MTREX: variants seen among roughly 807,000 people sequenced by gnomAD.
The protein encoded by MTREX is exosome RNA helicase MTR4.
MTREX carries 76 observed loss-of-function variants against 135.4 expected under a neutral mutation model. The observed-to-expected ratio is 0.56, with a 90% confidence interval of 0.47 to 0.68. The LOEUF (loss-of-function observed/expected upper bound fraction) is 0.68, where lower values mean the gene tolerates loss of function less well. Among genes scored for constraint, MTREX ranks in the 30% least tolerant of loss-of-function variants. The probability of loss-of-function intolerance (pLI) is 0.00; values close to 1 mark genes in which losing one functional copy is unlikely to be tolerated. For missense variants in MTREX, 920 were observed against 1,262.1 expected, an observed-to-expected ratio of 0.73 and a Z score of 4.11; for synonymous variants, 404 against 401.6, an observed-to-expected ratio of 1.01 and a Z score of -0.07.
intron 4 of MTREX, 69 bp from the exon 5 acceptor site, chr5:55,328,630 T>C (rs1215127483): frequency 1.8e-6 from 2 of 1,087,636 alleles, no homozygotes; most frequent in African/African-American, 3.1e-5. Flanking sequence ...CCTGCTTGTG[T>C]TTTGATTTTA....
intron 25 of MTREX, among the ~76,000 whole-genome samples, chr5:55,418,391 T>C (rs1751005725): frequency 6.7e-6 from 1 of 148,624 alleles, no homozygotes; most frequent in Admixed American, 6.8e-5. Context: ...TATCACAGTA[T>C]GGAAGATAAA....
intron 3 of MTREX, 171 bp downstream of exon 3, chr5:55,324,369 G>C (rs1579849040): frequency 4.5e-6 from 1 of 221,828 alleles, no homozygotes; most frequent in East Asian, 7.9e-5. Context: ...CTTGGGTTCA[G>C]ATCCTCCCCC....
chr5:55,393,790 C>A (rs774987645), intron 19 of MTREX, among the ~76,000 whole-genome samples: 44 of 152,088 alleles, frequency 2.9e-4, no homozygotes, highest in Non-Finnish European at 5.0e-4. Context: ...GAATAAACTG[C>A]CATATGCAAA....
chr5:55,378,508 A>C (rs1340520879), intron 17 of MTREX, 22 bp downstream of exon 17: 2 of 1,581,718 alleles, frequency 1.3e-6, no homozygotes, highest in South Asian at 2.4e-5. Context: ...TTTCTTCATA[A>C]AATACTTGAA....
At chr5:55,404,828 G>A (rs546656769) in intron 21 of MTREX, among the ~76,000 whole-genome samples, 24 of 147,170 alleles carry the variant, frequency 1.6e-4, no homozygotes, top group Non-Finnish European at 3.1e-4. Context: ...TTTTTAAGAC[G>A]GAATCTCGCT....
Position 55,377,326 on chromosome 5 carries a change from C to CT in MTREX, c.1811-987dup, listed in dbSNP as rs1228672183. Among the ~76,000 whole-genome samples the CT allele has an allele frequency of 4.6e-5, 7 of 151,362 alleles. No individual in the cohort carries two copies. The South Asian group carries it at 1.0e-3, about 23-fold the overall frequency. On this transcript the variant is annotated intron_variant, in intron 16 of 26. Coordinates refer to ENST00000230640, the MANE Select transcript of MTREX (RefSeq NM_015360.5). ...TGGGCGACAGAGCGAGACTCCGTCT[C>CT]TAAAAAAAAAGAAGAAAAAAGGCTA...
chr5:55,373,120 CTT>C (rs541949136), intron 16 of MTREX, among the ~76,000 whole-genome samples: 1 of 134,516 alleles, frequency 7.4e-6, no homozygotes, highest in Non-Finnish European at 1.6e-5. Context: ...ATTTTTATTT[CTT>C]TTTTTTTTTG....
At chr5:55,416,155 T>C (rs778061038) in intron 25 of MTREX, 23 bp downstream of exon 25, 110 of 1,487,040 alleles carry the variant, frequency 7.4e-5, no homozygotes, top group Non-Finnish European at 9.7e-5. Flanking sequence ...TTTACACATA[T>C]ATATTTACAG....
chr5:55,329,025 C>T (rs1749425987), intron 5 of MTREX, among the ~76,000 whole-genome samples: 1 of 152,156 alleles, frequency 6.6e-6, no homozygotes, highest in Admixed American at 6.5e-5. Flanking sequence ...GAAAAACACT[C>T]AGGCTTTCAT....
In MTREX at chr5:55,343,532, TTTCTC is replaced by T. The variant is rs1473896220; in HGVS notation, c.906+78_906+82del. On this transcript the variant is annotated intron_variant, in intron 8 of 26. Coordinates refer to ENST00000230640, the MANE Select transcript of MTREX (RefSeq NM_015360.5). Reference sequence around the variant, plus strand: ...AGTCTTGCTTTACTCTCCCTTTGCTTTTCTCCTGATGTTGTCCAGAATAATAAAAA... The same window carrying T: ...AGTCTTGCTTTACTCTCCCTTTGCTTCTGATGTTGTCCAGAATAATAAAAA... 48 of 1,260,530 alleles carry T rather than the reference TTTCTC, an allele frequency of 3.8e-5. No individual in the cohort carries two copies. In the East Asian group the frequency reaches 1.1e-3, roughly 29 times the overall value. 78.1% of individuals were successfully genotyped at this position (1,260,530 alleles called of 1,614,324 possible).
intron 3 of MTREX, chr5:55,324,490 C>G (rs1018338580): frequency 7.7e-6 from 1 of 130,110 alleles, no homozygotes; most frequent in Non-Finnish European, 1.4e-5. Flanking sequence ...TGTTGTCGAC[C>G]AGGCTGGAGT....
chr5:55,414,048 A>T, intron 23 of MTREX, 134 bp from the exon 24 acceptor site: 1 of 557,760 alleles, frequency 1.8e-6, no homozygotes, highest in Non-Finnish European at 3.1e-6. Context: ...TAGAAACTCT[A>T]AATGCTGATG....
intron 5 of MTREX, among the ~76,000 whole-genome samples, chr5:55,339,442 A>T (rs146887131): frequency 6.6e-6 from 1 of 152,186 alleles, no homozygotes; most frequent in African/African-American, 2.4e-5. Context: ...ATCTACTACA[A>T]TGTTAAGTTT....
In MTREX at chr5:55,340,056, AC is replaced by A. The variant is rs1289531196; in HGVS notation, c.564del (p.Ser189AlafsTer6). 3 of 1,595,098 alleles carry A rather than the reference AC, an allele frequency of 1.9e-6. No homozygotes were observed. Reference sequence around the variant, plus strand: ...AAGGGAAAAGCAGCGTGTAATATTTACCAGCCCAATTAAGGCTCTGAGTAAC... The same window carrying A: ...AAGGGAAAAGCAGCGTGTAATATTTACAGCCCAATTAAGGCTCTGAGTAAC... ...ALREKQRVIFTSPIKALSNQK... is the reference protein window; with the variant it reads ...ALREKQRVIFXSPIKALSNQK... On this transcript the variant is annotated frameshift_variant, in exon 6 of 27. Transcript: ENST00000230640. LOFTEE classifies it high-confidence loss of function.
Position 55,351,036 on chromosome 5 carries a change from T to G in MTREX, c.1431+7T>G, listed in dbSNP as rs1749818540. ...TTCTGAAGGATTGATAAAGGTATGG[T>G]TTTATTTTTATTTTTTATGCCCCCA... On this transcript the variant is annotated splice_region_variant and intron_variant, in intron 13 of 26. Coordinates refer to ENST00000230640, the MANE Select transcript of MTREX (RefSeq NM_015360.5). 6.3e-7 allele frequency: 1 copy of G among 1,584,562 alleles called. No homozygotes were observed. The highest frequency in any genetic ancestry group is 8.5e-7 in the Non-Finnish European group (1 of 1,172,118).
chr5:55,315,161 G>A (rs1381244991), intron 1 of MTREX, among the ~76,000 whole-genome samples: 2 of 152,152 alleles, frequency 1.3e-5, no homozygotes, highest in African/African-American at 4.8e-5. Context: ...TTTTGTCAGT[G>A]AGATAGATGA....
chr5:55,335,876 A>G (rs1279799439), intron 5 of MTREX, among the ~76,000 whole-genome samples: 2 of 152,140 alleles, frequency 1.3e-5, no homozygotes, highest in Non-Finnish European at 2.9e-5. Flanking sequence ...TATTGACTCA[A>G]TCGATGAAAA....
intron 25 of MTREX, among the ~76,000 whole-genome samples, chr5:55,417,182 T>A (rs1750978781): frequency 6.6e-6 from 1 of 152,180 alleles, no homozygotes; most frequent in East Asian, 1.9e-4. Context: ...AAATGATCAT[T>A]TAGTCAAACA....
intron 16 of MTREX, among the ~76,000 whole-genome samples, chr5:55,374,091 C>T (rs1750252775): frequency 1.3e-5 from 2 of 151,866 alleles, no homozygotes; most frequent in Non-Finnish European, 2.9e-5. Flanking sequence ...AACCCTGTCT[C>T]TACTAAAAAT....
Sources: allele counts gnomAD v4.1 joint callset (sites outside exome capture counted in the v4.1 genomes callset), GRCh38; gene constraint gnomAD v4.1.1; transcripts MANE v1.5; gene names NCBI Gene and HGNC (gene_info 2026-07-23, HGNC 2026-07-21).